The following PADI2 variants were observed in gnomAD, a reference collection of about 807,000 sequenced individuals.
The protein encoded by PADI2 is protein-arginine deiminase type-2.
In PADI2, 70 loss-of-function variants were observed where a neutral mutation model predicts 81.1. That is an observed-to-expected ratio of 0.86 (90% CI 0.71 to 1.05). The LOEUF is 1.05. Ranked by LOEUF, PADI2 falls within the 50% of genes least tolerant of loss-of-function variation. The pLI is 0.00. For synonymous variants in PADI2, 338 were observed against 358.0 expected, an observed-to-expected ratio of 0.94 and a Z score of 0.63; for missense variants, 853 against 889.9, an observed-to-expected ratio of 0.96 and a Z score of 0.53.
chr1:17,074,466 C>G (rs552348272), intron 13 of PADI2, among the ~76,000 whole-genome samples: 2 of 152,026 alleles, frequency 1.3e-5, no homozygotes, highest in African/African-American at 4.8e-5. Context: ...AACTCCTGGA[C>G]TCAAGTGATC....
intron 1 of PADI2, among the ~76,000 whole-genome samples, chr1:17,109,925 C>G (rs1426305179): frequency 6.6e-6 from 1 of 152,234 alleles, no homozygotes; most frequent in Non-Finnish European, 1.5e-5. Context: ...TGCCCACCTT[C>G]ATTCCTCTGG....
chr1:17,071,725 A>G (rs2078265811), intron 13 of PADI2, among the ~76,000 whole-genome samples: 1 of 152,186 alleles, frequency 6.6e-6, no homozygotes, highest in Non-Finnish European at 1.5e-5. Context: ...CTGAGCCAGG[A>G]CAGTGGTGGC....
intron 13 of PADI2, among the ~76,000 whole-genome samples, chr1:17,073,156 G>A (rs938490696): frequency 2.0e-5 from 3 of 152,118 alleles, no homozygotes; most frequent in African/African-American, 7.2e-5. Flanking sequence ...GGTGGCTCAC[G>A]CCTGTAATCC....
At position 17,069,082 on chromosome 1, in the gene PADI2, T is replaced by A; in HGVS notation, c.1960A>T (p.Lys654Ter). 1 of 1,614,238 alleles carries A rather than the reference T, an allele frequency of 6.2e-7. No homozygotes were observed. Among genetic ancestry groups the A allele is most frequent in the Non-Finnish European group, 8.5e-7 (1 of 1,180,028 alleles). Reference sequence around the variant, plus strand: ...TGCCACCACTTGAAGGTGAAGGGCTTCCTGCGGACGTTGGTGCCACAGTGG... The same window carrying A: ...TGCCACCACTTGAAGGTGAAGGGCTACCTGCGGACGTTGGTGCCACAGTGG... ...EVHCGTNVRRKPFTFKWWHMV... is the reference protein window; with the variant it reads ...EVHCGTNVRR Residue 654 changes from lysine to a stop codon, truncating the protein, a stop_gained, in exon 16 of 16, where the codon AAG (lysine) becomes TAG (stop). Transcript: ENST00000375486. LOFTEE classifies it high-confidence loss of function.
chr1:17,086,608 C>G lies in PADI2; in HGVS notation c.747G>C (p.Leu249=). ...VKYTGGSAEL[L]FFVEGLCFPD... ...GGAAACAGAGGCCTTCCACGAAGAACAGCAGCTCCGCGGAGCCACCCGTGT... is the reference window on the plus strand; with the variant it reads ...GGAAACAGAGGCCTTCCACGAAGAAGAGCAGCTCCGCGGAGCCACCCGTGT... The change falls in exon 7 of 16, where the codon CTG becomes CTC. Residue 249 remains leucine, a synonymous_variant. Transcript: ENST00000375486. 1 of 1,614,110 alleles carries G rather than the reference C, an allele frequency of 6.2e-7. No individual in the cohort carries two copies. The highest frequency in any genetic ancestry group is 8.5e-7 in the Non-Finnish European group (1 of 1,179,990).
At chr1:17,094,649 C>G (rs147479536) in intron 4 of PADI2, among the ~76,000 whole-genome samples, 198 of 152,316 alleles carry the variant, frequency 1.3e-3, no homozygotes, top group African/African-American at 4.6e-3. Flanking sequence ...TCCCCTGGGC[C>G]TGACCCGCTC....
chr1:17,081,463 G>A (rs60402019), intron 10 of PADI2, among the ~76,000 whole-genome samples: 2,805 of 152,322 alleles, frequency 0.018, 29 homozygotes, highest in East Asian at 0.038. Flanking sequence ...AAAGCTCTGT[G>A]CTGACACCAT....
At chr1:17,109,876 T>C (rs1339857783) in intron 1 of PADI2, among the ~76,000 whole-genome samples, 1 of 152,222 alleles carries the variant, frequency 6.6e-6, no homozygotes, top group Non-Finnish European at 1.5e-5. Context: ...CAAGATGATC[T>C]TTTAGGACCC....
chr1:17,071,674 AG>A (rs2078265567), intron 13 of PADI2, among the ~76,000 whole-genome samples, 183 bp from the exon 14 acceptor site: 1 of 152,114 alleles, frequency 6.6e-6, no homozygotes, highest in African/African-American at 2.4e-5. Context: ...CTGTCTGGGG[AG>A]GGCAGCACAC....
In PADI2 at chr1:17,073,349, G is replaced by A. The variant is rs191804355; in HGVS notation, c.1549+1507C>T. Among the ~76,000 whole-genome samples, 1,479 of 151,088 alleles carry A rather than the reference G, an allele frequency of 9.8e-3. 22 individuals carry two copies. The highest frequency in any genetic ancestry group is 0.034 in the African/African-American group (1,414 of 41,090). ...GGAGAATGGCTTGAACCTGGGAGGC[G>A]GAGCTTGCAGTGAGCCGAGATGGCA... On this transcript the variant is annotated intron_variant, in intron 13 of 15. Coordinates refer to ENST00000375486, the MANE Select transcript of PADI2 (RefSeq NM_007365.3).
intron 10 of PADI2, among the ~76,000 whole-genome samples, chr1:17,079,799 G>GT (rs5772744): frequency 0.62 from 91,879 of 147,948 alleles, 28,580 homozygotes; most frequent in Middle Eastern, 0.7. Context: ...ATCTGTTGTT[G>GT]TTTTTTTTTT....
At chr1:17,089,489 A>G (rs535910774) in intron 6 of PADI2, among the ~76,000 whole-genome samples, 27 of 152,198 alleles carry the variant, frequency 1.8e-4, no homozygotes, top group Admixed American at 1.2e-3. Context: ...GGGCTCCACC[A>G]AGGTCTGGGG....
At chr1:17,117,469 C>G (rs1240809596) in intron 1 of PADI2, among the ~76,000 whole-genome samples, 1 of 152,070 alleles carries the variant, frequency 6.6e-6, no homozygotes, top group African/African-American at 2.4e-5. Flanking sequence ...CAGTACTGGT[C>G]TAGAGCGCAC....
In PADI2 at chr1:17,069,199, C is replaced by G; in HGVS notation, c.1843G>C (p.Glu615Gln). The stretch of plus-strand genomic sequence containing the variant: ...TCCAGGAGGCCACGCACGTGCATCT[C>G]CAGGCAGCATTCCTCCTCAACCTGT... ...GPQVEEECCL[E>Q]MHVRGLLEPL... The change falls in exon 16 of 16, where the codon GAG (glutamate) becomes CAG (glutamine). Residue 615 changes from glutamate to glutamine, a missense_variant. Coordinates refer to ENST00000375486, the MANE Select transcript of PADI2 (RefSeq NM_007365.3). 1 of 1,614,218 alleles carries G rather than the reference C, an allele frequency of 6.2e-7. No individual in the cohort carries two copies. The highest frequency in any genetic ancestry group is 8.5e-7 in the Non-Finnish European group (1 of 1,180,020).
chr1:17,075,530 A>ACAG (rs2078295787), intron 12 of PADI2, 149 bp downstream of exon 12: 3 of 674,768 alleles, frequency 4.4e-6, no homozygotes, highest in Non-Finnish European at 7.1e-6. Context: ...TTTACCTGCC[A>ACAG]CAGCAACAAC....
chr1:17,090,022 C>G (rs553540057), intron 6 of PADI2, among the ~76,000 whole-genome samples: 1 of 152,328 alleles, frequency 6.6e-6, no homozygotes, highest in South Asian at 2.1e-4. Flanking sequence ...CCTGGGCAAA[C>G]TGGATTACCA....
rs371303616 is a variant in PADI2, at chr1:17,103,054, G to A, written c.282C>T (p.Thr94=). ...ASTEASSDKV[T]VNYYDEEGSI... Reference sequence around the variant, plus strand: ...TCCCTTCCTCGTCATAGTAGTTGACGGTGACCTTGGTGGGGAGGGGGCACA... The same window carrying A: ...TCCCTTCCTCGTCATAGTAGTTGACAGTGACCTTGGTGGGGAGGGGGCACA... Residue 94 remains threonine (T), a synonymous_variant, in exon 3 of 16, where the codon ACC becomes ACT. Coordinates refer to ENST00000375486, the MANE Select transcript of PADI2 (RefSeq NM_007365.3). 1.1e-5 allele frequency: 18 copies of A among 1,611,982 alleles called. No individual in the cohort carries two copies. The highest frequency in any genetic ancestry group is 1.6e-4 in the Middle Eastern group (1 of 6,078).
At chr1:17,080,351 A>G (rs1418689873) in intron 10 of PADI2, among the ~76,000 whole-genome samples, 1 of 152,186 alleles carries the variant, frequency 6.6e-6, no homozygotes, top group Admixed American at 6.5e-5. Context: ...AAGCCACAGG[A>G]GCCCCCACGT....
At chr1:17,076,360 G>A (rs993973802) in intron 11 of PADI2, among the ~76,000 whole-genome samples, 24 of 151,944 alleles carry the variant, frequency 1.6e-4, no homozygotes, top group Non-Finnish European at 2.2e-4. Context: ...GACTACAGGC[G>A]TGTGCCACCA....
Sources: gnomAD v4.1 joint callset for allele counts (sites outside exome capture counted in the v4.1 genomes callset) on GRCh38, gnomAD v4.1.1 for gene constraint, MANE v1.5 for transcripts, NCBI Gene and HGNC (gene_info 2026-07-23, HGNC 2026-07-21) for gene names.